The following URB1 variants were observed in gnomAD, a reference collection of about 807,000 sequenced individuals.
URB1 encodes URB1 ribosome biogenesis factor, also known as nucleolar pre-ribosomal-associated protein 1.
Under a neutral mutation model 242.3 loss-of-function variants are expected in URB1, and 197 were observed. The observed-to-expected ratio is 0.81, with a 90% CI of 0.72 to 0.91. URB1 has a LOEUF of 0.91. Among genes scored for constraint, URB1 ranks in the 40% least tolerant of loss-of-function variants. The pLI, the probability that URB1 is intolerant of heterozygous loss-of-function variation, is 0.00. For synonymous variants in URB1, 1,153 were observed against 1,201.8 expected (o/e 0.96, Z 0.84); for missense variants, 2,721 against 2,860.5 (o/e 0.95, Z 1.11).
chr21:32,327,787 A>G (rs1289489526), intron 30 of URB1, among the ~76,000 whole-genome samples: 1 of 152,236 alleles, frequency 6.6e-6, no homozygotes, highest in East Asian at 1.9e-4. Context: ...ATGAAGTGGT[A>G]TCATCTCACT....
chr21:32,392,430 C>G (rs2033649787), intron 1 of URB1, among the ~76,000 whole-genome samples: 1 of 152,176 alleles, frequency 6.6e-6, no homozygotes, highest in Non-Finnish European at 1.5e-5. Context: ...TGAGCCGACT[C>G]AGTAAGGACT....
chr21:32,383,451 A>G lies in URB1; in HGVS notation c.538T>C (p.Tyr180His). The G allele has an allele frequency of 6.4e-7, 1 of 1,551,636 alleles. No individual in the cohort carries two copies. Among genetic ancestry groups the G allele is most frequent in the East Asian group, 2.4e-5 (1 of 40,894 alleles). Reference protein sequence around the residue: ...SHFDLNKKTLYTLVTKRDSKG... With the variant: ...SHFDLNKKTLHTLVTKRDSKG... The stretch of plus-strand genomic sequence containing the variant: ...GAATCCCTCTTGGTCACCAGGGTGT[A>G]CAGGGTCTTTTTATTCAAATCAAAA... Residue 180 changes from tyrosine (Y) to histidine (H), a missense_variant, in exon 4 of 39, where the codon TAC (tyrosine) becomes CAC (histidine). Tyr to His is a moderately conservative substitution (Grantham distance 83). Coordinates refer to ENST00000382751, the MANE Select transcript of URB1 (RefSeq NM_014825.3).
intron 8 of URB1, among the ~76,000 whole-genome samples, chr21:32,370,219 G>A (rs999525959): frequency 6.6e-6 from 1 of 151,866 alleles, no homozygotes; most frequent in African/African-American, 2.4e-5. Context: ...TAGGGTCCCC[G>A]GTGTCTCACA....
rs1339587292 is a variant in URB1 at position 32,314,427 on chromosome 21, C to T, written c.*491G>A. On this transcript the variant is annotated 3_prime_UTR_variant, in exon 39 of 39. Coordinates refer to ENST00000382751, the MANE Select transcript of URB1 (RefSeq NM_014825.3). ...TTCGAACTCCTGACCTCAGGTGATT[C>T]ACCCGCCTTGGCCTCCCAAAGTGCT... is the stretch of plus-strand genomic sequence containing the variant. The T allele has an allele frequency of 5.0e-6, 4 of 804,522 alleles. No homozygotes were observed. The highest frequency in any genetic ancestry group is 1.4e-5 in the South Asian group (1 of 69,456). 49.8% of individuals were successfully genotyped at this position (804,522 alleles called of 1,614,324 possible).
rs2032565718 is a variant in URB1, at chr21:32,311,408, AC to A, written c.*3509del. 2.3e-5 allele frequency: 5 copies of A among 213,738 alleles called. No homozygotes were observed. Among genetic ancestry groups the A allele is most frequent in the South Asian group, 6.0e-5 (1 of 16,642 alleles). The allele number at this position is 213,738 out of a possible 1,614,324, so 13.2% of individuals were successfully genotyped here. ...ATGGGAGGTCAACCTGCTCCCCTCC[AC>A]CCCCCACCCCCCCCATCCTAAATCA... is the stretch of plus-strand genomic sequence containing the variant. On this transcript the variant is annotated 3_prime_UTR_variant, in exon 39 of 39. Coordinates refer to ENST00000382751, the MANE Select transcript of URB1 (RefSeq NM_014825.3).
At position 32,377,050 on chromosome 21, in the gene URB1, C is replaced by T. The variant is rs570661849; in HGVS notation, c.664+1395G>A. ...CCTTACTGGTGGATAGTTAGAAGAC[C>T]CATTTCCAGCTAATATAAATATTAT... On this transcript the variant is annotated intron_variant, in intron 5 of 38. Transcript: ENST00000382751. 302 of 397,548 alleles carry T rather than the reference C, an allele frequency of 7.6e-4. 2 individuals are homozygous for T. The highest frequency in any genetic ancestry group is 5.7e-3 in the African/African-American group (273 of 47,514). 24.6% of individuals were successfully genotyped at this position (397,548 alleles called of 1,614,324 possible). A position where few individuals can be genotyped will look rare whatever the true frequency, so the allele number is the denominator to read the frequency against.
At chr21:32,340,145 T>C (rs973376689) in intron 25 of URB1, among the ~76,000 whole-genome samples, 24 of 152,192 alleles carry the variant, frequency 1.6e-4, no homozygotes, top group Admixed American at 1.3e-4. Context: ...CACTCTCACT[T>C]CTCTCTCTCC....
intron 19 of URB1, 29 bp from the exon 20 acceptor site, chr21:32,350,951 G>A (rs1342357339): frequency 1.3e-6 from 2 of 1,532,814 alleles, no homozygotes; most frequent in East Asian, 2.5e-5. Flanking sequence ...GGCCGGGGAA[G>A]AGAAAGACAC....
chr21:32,311,682 AG>A lies in URB1; in HGVS notation c.*3235del, dbSNP rs758756101. 1.1e-5 allele frequency: 17 copies of A among 1,613,742 alleles called. No homozygotes were observed. The highest frequency in any genetic ancestry group is 1.4e-5 in the Non-Finnish European group (17 of 1,179,944). On this transcript the variant is annotated 3_prime_UTR_variant, in exon 39 of 39. Coordinates refer to ENST00000382751, the MANE Select transcript of URB1 (RefSeq NM_014825.3). ...CTGCCTCCCACTCTGCTCTGTTCACAGGAACAGCCCCAAGCACCACCAAACA... is the reference window on the plus strand; with the variant it reads ...CTGCCTCCCACTCTGCTCTGTTCACAGAACAGCCCCAAGCACCACCAAACA...
At chr21:32,323,156 C>G (rs575563865) in intron 32 of URB1, among the ~76,000 whole-genome samples, 1 of 152,344 alleles carries the variant, frequency 6.6e-6, no homozygotes, top group Non-Finnish European at 1.5e-5. Context: ...TGGGACACAG[C>G]CACACCCAGG....
rs765996763 is a variant in URB1 at position 32,314,909 on chromosome 21, C to T, written c.*9G>A. On this transcript the variant is annotated 3_prime_UTR_variant, in exon 39 of 39. Transcript: ENST00000382751. Reference sequence around the variant, plus strand: ...GGTCATCAGGGTGCAAGGTGCTGGCCGGCAGGAGTCAAGCATCTGAGGCTG... The same window carrying T: ...GGTCATCAGGGTGCAAGGTGCTGGCTGGCAGGAGTCAAGCATCTGAGGCTG... The T allele has an allele frequency of 1.3e-5, 20 of 1,547,460 alleles. No individual in the cohort carries two copies. The highest frequency in any genetic ancestry group is 8.7e-6 in the Non-Finnish European group (10 of 1,144,728).
At chr21:32,327,798 TGAAG>T (rs1228689850) in intron 30 of URB1, among the ~76,000 whole-genome samples, 1 of 152,206 alleles carries the variant, frequency 6.6e-6, no homozygotes. Flanking sequence ...TCATCTCACT[TGAAG>T]ATAAACTATA....
At chr21:32,338,497 G>A (rs75487490) in intron 26 of URB1, among the ~76,000 whole-genome samples, 3,879 of 152,280 alleles carry the variant, frequency 0.025, 161 homozygotes, top group African/African-American at 0.089. Flanking sequence ...TTAAGGCCTT[G>A]AAAACAGGTT....
At chr21:32,361,169 AAG>A (rs1555839851) in intron 12 of URB1, 46 bp from the exon 13 acceptor site, 1 of 640,916 alleles carries the variant, frequency 1.6e-6, no homozygotes, top group Non-Finnish European at 2.5e-6. Context: ...AAAAGAAAGA[AAG>A]AAAGAAAGAA....
intron 1 of URB1, among the ~76,000 whole-genome samples, chr21:32,388,908 G>C (rs1004501785): frequency 3.3e-5 from 5 of 152,190 alleles, no homozygotes; most frequent in African/African-American, 1.2e-4. Flanking sequence ...GCACCTACAG[G>C]GGGTGCCCGA....
intron 10 of URB1, among the ~76,000 whole-genome samples, chr21:32,365,355 G>T (rs2033335809): frequency 6.6e-6 from 1 of 152,066 alleles, no homozygotes; most frequent in South Asian, 2.1e-4. Flanking sequence ...GGGGGCTGAG[G>T]TGTGAGGAAC....
At chr21:32,382,564 G>GTTATAGAAGTGAATTATTCTAATGTGGT (rs1237499797) in intron 4 of URB1, among the ~76,000 whole-genome samples, 1 of 152,160 alleles carries the variant, frequency 6.6e-6, no homozygotes, top group Non-Finnish European at 1.5e-5. Flanking sequence ...GCAGCACACT[G>GTTATAGAAGTGAATTATTCTAATGTGGT]TTATAGAAGT....
chr21:32,316,078 T>C (rs1568805567), intron 38 of URB1, among the ~76,000 whole-genome samples: 2 of 152,218 alleles, frequency 1.3e-5, no homozygotes, highest in African/African-American at 4.8e-5. Flanking sequence ...CACATGCACA[T>C]GCGCACACAT....
intron 8 of URB1, among the ~76,000 whole-genome samples, chr21:32,370,480 C>T (rs777686166): frequency 3.3e-5 from 5 of 152,132 alleles, no homozygotes; most frequent in East Asian, 1.9e-4. Context: ...TAATCAACAA[C>T]GTAATAAAAT....
Sources: gnomAD v4.1 joint callset for allele counts (sites outside exome capture counted in the v4.1 genomes callset) on GRCh38, gnomAD v4.1.1 for gene constraint, MANE v1.5 for transcripts, NCBI Gene and HGNC (gene_info 2026-07-23, HGNC 2026-07-21) for gene names.